The following EPB41L2 variants were observed in gnomAD, a reference collection of about 807,000 sequenced individuals.
The protein encoded by EPB41L2 is erythrocyte membrane protein band 4.1 like 2, also known as band 4.1-like protein 2.
In EPB41L2, 43 loss-of-function variants were observed where a neutral mutation model predicts 113.0. The ratio of observed to expected loss-of-function variants is 0.38; its 90% CI spans 0.30 to 0.49. The LOEUF is 0.49. Among genes scored for constraint, EPB41L2 ranks in the 20% least tolerant of loss-of-function variants. The pLI is 0.95. For synonymous variants in EPB41L2, 442 were observed against 436.7 expected, an observed-to-expected ratio of 1.01 and a Z score of -0.15; for missense variants, 1,147 against 1,223.4, an observed-to-expected ratio of 0.94 and a Z score of 0.93.
intron 1 of EPB41L2, among the ~76,000 whole-genome samples, chr6:131,009,252 C>A (rs182235729): frequency 6.6e-6 from 1 of 152,124 alleles, no homozygotes; most frequent in Non-Finnish European, 1.5e-5. Flanking sequence ...CCCCTTCAGT[C>A]GGCACTCATT....
intron 1 of EPB41L2, among the ~76,000 whole-genome samples, chr6:131,021,564 G>T (rs1230714915): frequency 6.6e-6 from 1 of 152,148 alleles, no homozygotes; most frequent in Non-Finnish European, 1.5e-5. Flanking sequence ...AGGAGCCTGA[G>T]GCAGGAGAAT....
intron 1 of EPB41L2, among the ~76,000 whole-genome samples, chr6:130,964,544 AT>A (rs1303361318): frequency 6.6e-6 from 1 of 152,026 alleles, no homozygotes; most frequent in Non-Finnish European, 1.5e-5. Context: ...TAAGCATTAG[AT>A]TAGATGCTAT....
intron 1 of EPB41L2, among the ~76,000 whole-genome samples, chr6:131,045,804 T>C (rs1217024799): frequency 1.3e-5 from 2 of 152,196 alleles, no homozygotes; most frequent in African/African-American, 4.8e-5. Flanking sequence ...CAAAAATATC[T>C]TGCATAGGAG....
chr6:130,884,294 C>T (rs2128470493), intron 12 of EPB41L2, among the ~76,000 whole-genome samples: 1 of 152,172 alleles, frequency 6.6e-6, no homozygotes, highest in African/African-American at 2.4e-5. Flanking sequence ...GAGATCGAGC[C>T]ATTGCACTCC....
At chr6:130,970,603 TCTATC>T (rs1776538013) in intron 1 of EPB41L2, 1 of 152,356 alleles carries the variant, frequency 6.6e-6, no homozygotes, top group East Asian at 1.9e-4. Flanking sequence ...ATAAAATTCT[TCTATC>T]CTGAGATTTT....
chr6:130,940,286 C>T lies in EPB41L2; in HGVS notation c.706-13577G>A, dbSNP rs192557618. Among the ~76,000 whole-genome samples, 52 of 152,172 alleles carry T rather than the reference C, an allele frequency of 3.4e-4. No individual in the cohort carries two copies. In the East Asian group the frequency reaches 9.9e-3, roughly 29 times the overall value. ...CTGTAAAGCCAGGAAAGTGGTTTGCCCTGAACAAATGTTTCTGGTACATTT... is the reference window on the plus strand; with the variant it reads ...CTGTAAAGCCAGGAAAGTGGTTTGCTCTGAACAAATGTTTCTGGTACATTT... On this transcript the variant is annotated intron_variant, in intron 3 of 19. Coordinates refer to ENST00000337057, the MANE Select transcript of EPB41L2 (RefSeq NM_001431.4).
intron 1 of EPB41L2, among the ~76,000 whole-genome samples, chr6:131,016,980 G>A (rs752514409): frequency 1.3e-5 from 2 of 152,056 alleles, no homozygotes; most frequent in East Asian, 1.9e-4. Context: ...ATTTGCACAT[G>A]ACTTTTTCAG....
intron 19 of EPB41L2, among the ~76,000 whole-genome samples, chr6:130,848,728 C>CA (rs1377123464): frequency 1.3e-5 from 2 of 152,170 alleles, no homozygotes; most frequent in South Asian, 2.1e-4. Context: ...AGTATCTTTA[C>CA]AAAAACACAC....
intron 3 of EPB41L2, among the ~76,000 whole-genome samples, chr6:130,953,978 C>G (rs940814933): frequency 1.4e-4 from 8 of 57,870 alleles, no homozygotes; most frequent in African/African-American, 7.0e-4. Flanking sequence ...TTTGTTACAA[C>G]AGCAAAAACT....
At chr6:130,954,997 A>G in intron 3 of EPB41L2, 108 bp downstream of exon 3, 2 of 933,850 alleles carry the variant, frequency 2.1e-6, no homozygotes, top group Non-Finnish European at 1.7e-6. Flanking sequence ...TTAGTGCAAA[A>G]CTGTAATCAA....
At chr6:130,874,782 G>A (rs1026028890) in intron 14 of EPB41L2, among the ~76,000 whole-genome samples, 1 of 152,116 alleles carries the variant, frequency 6.6e-6, no homozygotes, top group African/African-American at 2.4e-5. Flanking sequence ...TCTATGACAA[G>A]ATATTTTACA....
rs1261931952 is a variant in EPB41L2 at position 130,912,762 on chromosome 6, A to G, written c.811-3899T>C. ...GATAAGTGCACAGGAATGAAAAAAC[A>G]CATCATTCAGCCTCTAGCCCACACT... On this transcript the variant is annotated intron_variant, in intron 4 of 19. Transcript: ENST00000337057. 5.3e-5 allele frequency among the ~76,000 whole-genome samples: 8 copies of G among 151,682 alleles called. No homozygotes were observed. In the South Asian group the frequency reaches 1.7e-3, roughly 32 times the overall value.
chr6:130,871,629 A>G (rs980428276), intron 14 of EPB41L2, among the ~76,000 whole-genome samples: 6 of 152,204 alleles, frequency 3.9e-5, no homozygotes, highest in Admixed American at 1.3e-4. Context: ...TCTTAAACAC[A>G]TGGTAAGGGC....
In EPB41L2 at chr6:130,974,713, T is replaced by TTTTC. The variant is rs1225937758; in HGVS notation, c.-14-18218_-14-18215dup. On this transcript the variant is annotated intron_variant, in intron 1 of 19. Coordinates refer to ENST00000337057, the MANE Select transcript of EPB41L2 (RefSeq NM_001431.4). ...CTAAGGCAGCCTCTTTTTTCTTTTC[T>TTTTC]TTTCTTTTTTTTTTTTTTTTTTTTT... Among the ~76,000 whole-genome samples, 20 of 130,386 alleles carry TTTTC rather than the reference T, an allele frequency of 1.5e-4. 1 individual carries two copies. The highest frequency in any genetic ancestry group is 3.2e-4 in the Non-Finnish European group (20 of 62,004). 85.5% of individuals were successfully genotyped at this position (130,386 alleles called of 152,430 possible).
At chr6:131,040,890 C>T (rs962469086) in intron 1 of EPB41L2, among the ~76,000 whole-genome samples, 4 of 152,154 alleles carry the variant, frequency 2.6e-5, no homozygotes, top group African/African-American at 9.7e-5. Flanking sequence ...ATTAAATACC[C>T]TCACATAGAA....
intron 1 of EPB41L2, among the ~76,000 whole-genome samples, chr6:131,024,452 G>C (rs545156216): frequency 1.3e-5 from 2 of 152,210 alleles, no homozygotes; most frequent in African/African-American, 4.8e-5. Flanking sequence ...CCAAAACTAA[G>C]CATCTCTGTC....
At chr6:130,966,028 T>A (rs548843203) in intron 1 of EPB41L2, among the ~76,000 whole-genome samples, 1 of 147,314 alleles carries the variant, frequency 6.8e-6, no homozygotes, top group East Asian at 1.9e-4. Context: ...TGATGAGCTT[T>A]AAAAAAAAAA....
At chr6:130,924,750 C>T (rs540803963) in intron 4 of EPB41L2, among the ~76,000 whole-genome samples, 21 of 152,296 alleles carry the variant, frequency 1.4e-4, no homozygotes, top group African/African-American at 4.8e-4. Flanking sequence ...AGTTTACCTT[C>T]CTACCCATAG....
At chr6:130,841,103 C>T (rs997892382) in intron 19 of EPB41L2, among the ~76,000 whole-genome samples, 5 of 150,732 alleles carry the variant, frequency 3.3e-5, no homozygotes, top group African/African-American at 7.3e-5. Context: ...AGGAATAGGA[C>T]GGTGAAGAAA....
Sources: gnomAD v4.1 joint callset for allele counts (sites outside exome capture counted in the v4.1 genomes callset) on GRCh38, gnomAD v4.1.1 for gene constraint, MANE v1.5 for transcripts, NCBI Gene and HGNC (gene_info 2026-07-23, HGNC 2026-07-21) for gene names.